The following SLC25A23 variants were observed in gnomAD, a reference collection of about 807,000 sequenced individuals.
The protein encoded by SLC25A23 is mitochondrial adenyl nucleotide antiporter SLC25A23.
Under a neutral mutation model 53.9 loss-of-function variants are expected in SLC25A23, and 32 were observed. The observed-to-expected ratio is 0.59, with a 90% CI of 0.45 to 0.80. The LOEUF is 0.80. SLC25A23 is among the 30% of genes least tolerant of loss of function. The pLI, the probability that SLC25A23 is intolerant of heterozygous loss-of-function variation, is 0.00. For missense variants in SLC25A23, 575 were observed against 651.4 expected, an observed-to-expected ratio of 0.88 and a Z score of 1.28; for synonymous variants, 275 against 264.5, an observed-to-expected ratio of 1.04 and a Z score of -0.38.
chr19:6,449,241 GTCTT>G (rs774043671), intron 8 of SLC25A23, among the ~76,000 whole-genome samples: 39 of 149,226 alleles, frequency 2.6e-4, no homozygotes, highest in East Asian at 9.8e-4. Context: ...TCTTCTTTCT[GTCTT>G]TCTTTCTTTC....
intron 8 of SLC25A23, among the ~76,000 whole-genome samples, chr19:6,445,360 C>T (rs1265569292): frequency 1.3e-5 from 2 of 152,030 alleles, no homozygotes; most frequent in African/African-American, 2.4e-5. Flanking sequence ...CCACCTGCCT[C>T]GGTCTCCCAA....
intron 9 of SLC25A23, among the ~76,000 whole-genome samples, chr19:6,442,484 G>C (rs543043800): frequency 6.6e-6 from 1 of 152,236 alleles, no homozygotes; most frequent in South Asian, 2.1e-4. Flanking sequence ...CCCTATCCCA[G>C]AGCCAGCTCC....
downstream of SLC25A23, among the ~76,000 whole-genome samples, chr19:6,439,819 G>C (rs1342471610): frequency 6.6e-6 from 1 of 152,052 alleles, no homozygotes; most frequent in Non-Finnish European, 1.5e-5. Context: ...AACAGAGTGA[G>C]ACTCCATCTC....
At chr19:6,436,290 G>A, downstream of SLC25A23, 1 of 384,268 alleles carries the variant, frequency 2.6e-6, no homozygotes. Context: ...GGATCCAGTT[G>A]TTTCGGTGGA....
chr19:6,441,657 A>G lies in SLC25A23; in HGVS notation c.*318T>C. ...GGGATTAAGGGCTGGGGTGTGGATA[A>G]TCTTGAATCTTGTGGTTAGGGTAGC... is the stretch of plus-strand genomic sequence containing the variant. On this transcript the variant is annotated 3_prime_UTR_variant, in exon 10 of 10. Coordinates refer to ENST00000301454, the MANE Select transcript of SLC25A23 (RefSeq NM_024103.3). 2.6e-6 allele frequency: 1 copy of G among 381,680 alleles called. No individual in the cohort carries two copies. Among genetic ancestry groups the G allele is most frequent in the Non-Finnish European group, 4.9e-6 (1 of 203,270 alleles). The allele number at this position is 381,680 out of a possible 1,614,324, so 23.6% of individuals were successfully genotyped here.
chr19:6,452,477 C>T lies in SLC25A23; in HGVS notation c.906G>A (p.Val302=). 1 of 1,599,788 alleles carries T rather than the reference C, an allele frequency of 6.3e-7. No individual in the cohort carries two copies. Among genetic ancestry groups the T allele is most frequent in the Non-Finnish European group, 8.5e-7 (1 of 1,170,096 alleles). ...TAQTIIYPME[V]LKTRLTLRRT... is the part of the protein sequence containing the mutation. ...GGCGCAAGGTCAGCCGCGTCTTCAG[C>T]ACCTGGGGAGAACCTGGTTATCCCT... Residue 302 remains valine, a splice_region_variant and synonymous_variant, in exon 8 of 10, where the codon GTG becomes GTA. Coordinates refer to ENST00000301454, the MANE Select transcript of SLC25A23 (RefSeq NM_024103.3).
At chr19:6,444,419 C>T (rs1207372437) in intron 8 of SLC25A23, 118 bp from the exon 9 acceptor site, 9 of 1,125,680 alleles carry the variant, frequency 8.0e-6, no homozygotes, top group Non-Finnish European at 1.1e-5. Context: ...GCACTTGGTA[C>T]CTCCTAGGGG....
chr19:6,458,092 G>T (rs2092706160), intron 2 of SLC25A23, 106 bp downstream of exon 2: 2 of 1,408,036 alleles, frequency 1.4e-6, no homozygotes, highest in South Asian at 2.7e-5. Flanking sequence ...GGGAGAAGCG[G>T]CCCTCCCCCT....
At chr19:6,458,482 C>T (rs2092714647) in intron 1 of SLC25A23, among the ~76,000 whole-genome samples, 158 bp from the exon 2 acceptor site, 1 of 152,108 alleles carries the variant, frequency 6.6e-6, no homozygotes, top group South Asian at 2.1e-4. Context: ...GCTAACTTCT[C>T]AGCCAGATCC....
At chr19:6,443,179 T>C (rs1351239276) in intron 9 of SLC25A23, among the ~76,000 whole-genome samples, 1 of 152,052 alleles carries the variant, frequency 6.6e-6, no homozygotes, top group Non-Finnish European at 1.5e-5. Flanking sequence ...CCTCAGGTGA[T>C]CCACCCACCT....
At chr19:6,436,323 T>C (rs2092314174), downstream of SLC25A23, 1 of 440,272 alleles carries the variant, frequency 2.3e-6, no homozygotes, top group African/African-American at 2.0e-5. Context: ...GCTTGGACTA[T>C]CCAGGGAATT....
At chr19:6,456,243 C>T in intron 4 of SLC25A23, 177 bp downstream of exon 4, 2 of 949,670 alleles carry the variant, frequency 2.1e-6, no homozygotes, top group South Asian at 1.7e-5. Flanking sequence ...CCAAATGGGA[C>T]CCTTGAACCC....
rs2092637313 is a variant in SLC25A23, at chr19:6,454,105, C to T, written c.796-17G>A. 1.2e-6 allele frequency: 2 copies of T among 1,607,308 alleles called. No individual in the cohort carries two copies. Among genetic ancestry groups the T allele is most frequent in the Admixed American group, 3.4e-5 (2 of 59,532 alleles). On this transcript the variant is annotated splice_polypyrimidine_tract_variant and intron_variant, in intron 6 of 9. Transcript: ENST00000301454. The surrounding 1 kb of genome is among the most constrained non-coding windows in gnomAD (Gnocchi z 4.3). Reference sequence around the variant, plus strand: ...CCTCTTGATCTGAGGCGGGGAGACACAGGGATGGGTAGGACCATGGGGGTT... The same window carrying T: ...CCTCTTGATCTGAGGCGGGGAGACATAGGGATGGGTAGGACCATGGGGGTT...
chr19:6,453,016 A>C (rs1251585480), intron 7 of SLC25A23, among the ~76,000 whole-genome samples: 1 of 152,170 alleles, frequency 6.6e-6, no homozygotes, highest in African/African-American at 2.4e-5. Context: ...AGGTACACAT[A>C]AGGTTCAGAA....
chr19:6,455,166 G>A (rs2092659843), intron 4 of SLC25A23, among the ~76,000 whole-genome samples: 1 of 152,118 alleles, frequency 6.6e-6, no homozygotes, highest in African/African-American at 2.4e-5. Flanking sequence ...CAGCTACTCA[G>A]GAGGCCAAGA....
At chr19:6,439,393 TCTCTCTCA>T (rs1176925110), downstream of SLC25A23, among the ~76,000 whole-genome samples, 266 of 129,502 alleles carry the variant, frequency 2.1e-3, no homozygotes, top group African/African-American at 9.3e-3. Context: ...TATCTCTCTC[TCTCTCTCA>T]CACACACACA....
At chr19:6,446,414 G>A (rs2092505795) in intron 8 of SLC25A23, among the ~76,000 whole-genome samples, 1 of 152,162 alleles carries the variant, frequency 6.6e-6, no homozygotes, top group Non-Finnish European at 1.5e-5. Context: ...GCCTGTGGTA[G>A]ATGCTGTGAG....
chr19:6,438,042 TC>T (rs1479394231), downstream of SLC25A23: 3 of 109,218 alleles, frequency 2.7e-5, no homozygotes, highest in Non-Finnish European at 5.4e-5. Flanking sequence ...GCCACTGCAC[TC>T]CAAAAAAAAA....
rs1018395969 is a variant in SLC25A23, at chr19:6,459,200, G to A, written c.156+273C>T. ...TGTGTCCCGGGCAGTGGGCAGGAAA[G>A]CGCCCCCATCTCTTCCCAGGCAGAC... On this transcript the variant is annotated intron_variant, in intron 1 of 9. Transcript: ENST00000301454. This position sits in a 1 kb window ranked among gnomAD's most constrained non-coding sequence, Gnocchi z 4.6. 5.3e-5 allele frequency among the ~76,000 whole-genome samples: 8 copies of A among 152,148 alleles called. No individual in the cohort carries two copies. The highest frequency in any genetic ancestry group is 4.6e-4 in the Admixed American group (7 of 15,276).
Sources: gnomAD v4.1 joint callset for allele counts (sites outside exome capture counted in the v4.1 genomes callset) on GRCh38, gnomAD v4.1.1 for gene constraint, Gnocchi (gnomAD v3.1) non-coding constraint, MANE v1.5 for transcripts, NCBI Gene and HGNC (gene_info 2026-07-23, HGNC 2026-07-21) for gene names.